Variants in CALN1 observed in about 807,000 individuals in gnomAD.
CALN1 encodes calneuron 1.
A neutral mutation model predicts 30.6 loss-of-function variants in CALN1; 17 were observed. The observed-to-expected ratio is 0.56, with a 90% CI of 0.38 to 0.83. CALN1 has a LOEUF of 0.83. Ranked by LOEUF, CALN1 falls within the 40% of genes least tolerant of loss-of-function variation. The pLI is 0.00. For synonymous variants in CALN1, 156 were observed against 131.4 expected, an observed-to-expected ratio of 1.19 and a Z score of -1.28; for missense variants, 291 against 354.9, an observed-to-expected ratio of 0.82 and a Z score of 1.45.
At chr7:71,853,334 AT>A (rs759108146) in intron 5 of CALN1, among the ~76,000 whole-genome samples, 12 of 152,066 alleles carry the variant, frequency 7.9e-5, no homozygotes, top group Non-Finnish European at 1.6e-4. Flanking sequence ...AATTGTATAT[AT>A]TATTATTTAT....
intron 3 of CALN1, among the ~76,000 whole-genome samples, chr7:72,117,525 T>C (rs1808072125): frequency 6.6e-6 from 1 of 151,804 alleles, no homozygotes; most frequent in South Asian, 2.1e-4. Context: ...TATAACAAGG[T>C]GTGTGTGTGT....
chr7:72,011,646 A>C (rs1268230449), intron 5 of CALN1, among the ~76,000 whole-genome samples: 2 of 152,106 alleles, frequency 1.3e-5, no homozygotes, highest in Non-Finnish European at 2.9e-5. Flanking sequence ...TCTACTTCTG[A>C]TAGCATCCAT....
intron 5 of CALN1, among the ~76,000 whole-genome samples, chr7:72,020,100 G>C (rs844789): frequency 0.28 from 42,041 of 151,974 alleles, 8,936 homozygotes; most frequent in African/African-American, 0.59. Context: ...CAGTCTGTCA[G>C]CCAGGATGGA....
chr7:72,278,765 C>T lies in CALN1; in HGVS notation c.165G>A (p.Lys55=), dbSNP rs1797534454. ...FHHVTAGLLY[K]GNYLNRSLSA... is the part of the protein sequence containing the mutation. ...AGAGCGATCGGTTGAGGTAATTCCC[C>T]TTGTACAACAAGCCGGCGGTCACAT... Residue 55 remains lysine, a synonymous_variant, in exon 3 of 7, where the codon AAG becomes AAA. Transcript: ENST00000395275. 1 of 1,613,862 alleles carries T rather than the reference C, an allele frequency of 6.2e-7. No homozygotes were observed. Among genetic ancestry groups the T allele is most frequent in the African/African-American group, 1.3e-5 (1 of 74,946 alleles).
intron 4 of CALN1, among the ~76,000 whole-genome samples, chr7:72,048,844 C>T (rs1395074658): frequency 6.6e-6 from 1 of 151,648 alleles, no homozygotes; most frequent in Non-Finnish European, 1.5e-5. Flanking sequence ...ACTGTGTTGC[C>T]CAGGCTGGAG....
In CALN1 at chr7:72,404,929, G is replaced by T. The variant is rs531679964; in HGVS notation, c.-73-1487C>A. The stretch of plus-strand genomic sequence containing the variant: ...CCTGTGAGTAACTCATCAGCTACTG[G>T]TGTGAATGAATGACGGACAGACACA... On this transcript the variant is annotated intron_variant, in intron 1 of 6. Coordinates refer to ENST00000395275, the MANE Select transcript of CALN1 (RefSeq NM_031468.4). 4.9e-4 allele frequency among the ~76,000 whole-genome samples: 75 copies of T among 152,322 alleles called. 3 individuals carry two copies. The South Asian group carries it at 0.015, about 31-fold the overall frequency.
At chr7:72,422,519 T>G (rs1338189445) in intron 1 of CALN1, among the ~76,000 whole-genome samples, 1 of 152,188 alleles carries the variant, frequency 6.6e-6, no homozygotes, top group Admixed American at 6.5e-5. Context: ...GACACCATCC[T>G]CTGCAGAGGG....
the CALN1 span, among the ~76,000 whole-genome samples, chr7:72,467,213 G>A: frequency 2.0e-5 from 3 of 152,158 alleles, no homozygotes; most frequent in South Asian, 2.1e-4. Context: ...ATTTACCTGC[G>A]TTCCTGGGCA....
chr7:71,947,324 T>C (rs1420990307), intron 5 of CALN1, among the ~76,000 whole-genome samples: 1 of 152,130 alleles, frequency 6.6e-6, no homozygotes, highest in Non-Finnish European at 1.5e-5. Context: ...GGGAGTTTTA[T>C]GTACATTATC....
intron 3 of CALN1, among the ~76,000 whole-genome samples, chr7:72,228,813 G>A (rs960516174): frequency 6.6e-6 from 1 of 151,388 alleles, no homozygotes; most frequent in Non-Finnish European, 1.5e-5. Context: ...CCAGGCTGGA[G>A]TGCACTGATG....
Position 72,300,590 on chromosome 7 carries a change from C to T in CALN1, c.120-21780G>A, listed in dbSNP as rs971066610. On this transcript the variant is annotated intron_variant, in intron 2 of 6. Coordinates refer to ENST00000395275, the MANE Select transcript of CALN1 (RefSeq NM_031468.4). ...TAATACGTGTTTCAACTGAGAAAAACGAACACACTTCTCTCCTAAAATTCT... is the reference window on the plus strand; with the variant it reads ...TAATACGTGTTTCAACTGAGAAAAATGAACACACTTCTCTCCTAAAATTCT... Among the ~76,000 whole-genome samples the T allele has an allele frequency of 5.9e-5, 9 of 152,142 alleles. No individual in the cohort carries two copies. In the East Asian group the frequency reaches 7.7e-4, roughly 13 times the overall value.
chr7:71,875,908 T>C (rs761281718), intron 5 of CALN1, among the ~76,000 whole-genome samples: 2 of 152,146 alleles, frequency 1.3e-5, no homozygotes, highest in African/African-American at 2.4e-5. Flanking sequence ...TCACAGACCA[T>C]GGTCAGTAGC....
intron 4 of CALN1, among the ~76,000 whole-genome samples, chr7:72,030,225 T>C (rs965588057): frequency 2.2e-5 from 3 of 134,422 alleles, no homozygotes; most frequent in Non-Finnish European, 5.2e-5. Context: ...TGCACTCTCT[T>C]TGTTACTCAA....
intron 1 of CALN1, among the ~76,000 whole-genome samples, chr7:72,418,395 C>G (rs1807493829): frequency 6.6e-6 from 1 of 152,158 alleles, no homozygotes; most frequent in Admixed American, 6.5e-5. Context: ...GATTCCATGT[C>G]TTTGCTCTTG....
chr7:72,255,809 C>T (rs1795871010), intron 3 of CALN1, among the ~76,000 whole-genome samples: 1 of 151,508 alleles, frequency 6.6e-6, no homozygotes, highest in Non-Finnish European at 1.5e-5. Context: ...CGGCTCACTG[C>T]AACCTCCGTC....
At chr7:72,168,557 C>T (rs538792096) in intron 3 of CALN1, among the ~76,000 whole-genome samples, 5 of 152,230 alleles carry the variant, frequency 3.3e-5, no homozygotes, top group East Asian at 1.9e-4. Flanking sequence ...TGAAGCTAGA[C>T]GTGGCACCCA....
chr7:72,499,892 T>C, the CALN1 span, among the ~76,000 whole-genome samples: 1 of 56,640 alleles, frequency 1.8e-5, no homozygotes, highest in African/African-American at 9.6e-5. Flanking sequence ...TTTCTTTCTT[T>C]CTTTCTTTCT....
chr7:71,829,379 C>T (rs999252345), intron 5 of CALN1, among the ~76,000 whole-genome samples: 8 of 152,316 alleles, frequency 5.3e-5, no homozygotes, highest in African/African-American at 1.9e-4. Context: ...CAGGAAGACA[C>T]CTTGGTGTCA....
At chr7:72,030,411 A>G (rs1466950803) in intron 4 of CALN1, among the ~76,000 whole-genome samples, 1 of 152,200 alleles carries the variant, frequency 6.6e-6, no homozygotes, top group Non-Finnish European at 1.5e-5. Flanking sequence ...CTACAATTCT[A>G]TACCAACCCT....
Sources: gnomAD v4.1 joint callset for allele counts (sites outside exome capture counted in the v4.1 genomes callset) on GRCh38, gnomAD v4.1.1 for gene constraint, MANE v1.5 for transcripts, NCBI Gene and HGNC (gene_info 2026-07-23, HGNC 2026-07-21) for gene names.